PDSS2: variants seen among roughly 807,000 people sequenced by gnomAD.
PDSS2 encodes the protein all trans-polyprenyl-diphosphate synthase PDSS2.
A neutral mutation model predicts 44.5 loss-of-function variants in PDSS2; 31 were observed. That is an observed-to-expected ratio of 0.70 (90% CI 0.52 to 0.94). The LOEUF (loss-of-function observed/expected upper bound fraction) is 0.94, where lower values mean the gene tolerates loss of function less well. PDSS2 is among the 40% of genes least tolerant of loss of function. The pLI is 0.00. For missense variants in PDSS2, 452 were observed against 482.2 expected (o/e 0.94, Z 0.59); for synonymous variants, 157 against 180.3 (o/e 0.87, Z 1.03).
intron 2 of PDSS2, among the ~76,000 whole-genome samples, chr6:107,281,808 C>G (rs561559200): frequency 2.0e-4 from 30 of 152,272 alleles, no homozygotes; most frequent in African/African-American, 6.0e-4. Context: ...CCTGCCACCC[C>G]CTTCCCTCAC....
At chr6:107,454,624 A>C (rs1186636809) in intron 1 of PDSS2, among the ~76,000 whole-genome samples, 1 of 151,938 alleles carries the variant, frequency 6.6e-6, no homozygotes, top group Non-Finnish European at 1.5e-5. Flanking sequence ...GTGAATAGCA[A>C]ATTATGGTGG....
chr6:107,389,515 G>T (rs1779716429), intron 1 of PDSS2, among the ~76,000 whole-genome samples: 1 of 152,050 alleles, frequency 6.6e-6, no homozygotes, highest in Non-Finnish European at 1.5e-5. Context: ...CGAACAAACA[G>T]GTAAATAGAT....
intron 2 of PDSS2, among the ~76,000 whole-genome samples, chr6:107,310,809 T>C (rs1562453401): frequency 6.6e-6 from 1 of 152,214 alleles, no homozygotes; most frequent in African/African-American, 2.4e-5. Context: ...AGTTTATCTA[T>C]GCAGGCTTGA....
intron 1 of PDSS2, among the ~76,000 whole-genome samples, chr6:107,394,755 T>C (rs917198000): frequency 6.6e-6 from 1 of 152,354 alleles, no homozygotes; most frequent in Admixed American, 6.5e-5. Context: ...CTTGTTTTCA[T>C]ACATTTTACT....
chr6:107,387,476 TAC>T (rs1326418788), intron 1 of PDSS2, among the ~76,000 whole-genome samples: 1 of 152,184 alleles, frequency 6.6e-6, no homozygotes, highest in African/African-American at 2.4e-5. Flanking sequence ...GGAGAGAAAT[TAC>T]AGAGACAGAA....
chr6:107,453,044 G>A (rs1583106371), intron 1 of PDSS2, among the ~76,000 whole-genome samples: 1 of 151,842 alleles, frequency 6.6e-6, no homozygotes, highest in Non-Finnish European at 1.5e-5. Flanking sequence ...TGCTTACCTA[G>A]CCCTAGGTCC....
intron 2 of PDSS2, among the ~76,000 whole-genome samples, chr6:107,313,723 A>G (rs1294782744): frequency 2.0e-5 from 3 of 152,202 alleles, no homozygotes; most frequent in African/African-American, 7.2e-5. Flanking sequence ...CAGCCTAAAT[A>G]TTATGTAACA....
At chr6:107,279,329 C>CA (rs1378088054) in intron 2 of PDSS2, among the ~76,000 whole-genome samples, 2 of 152,194 alleles carry the variant, frequency 1.3e-5, no homozygotes, top group East Asian at 3.8e-4. Flanking sequence ...ATATATGCCA[C>CA]AAATTTGTCC....
chr6:107,166,813 C>T (rs1379739579), intron 7 of PDSS2, among the ~76,000 whole-genome samples: 1 of 152,164 alleles, frequency 6.6e-6, no homozygotes, highest in African/African-American at 2.4e-5. Context: ...AGCCTTGCAT[C>T]CCAGGGAAGA....
intron 7 of PDSS2, among the ~76,000 whole-genome samples, chr6:107,176,806 T>C (rs1771805768): frequency 6.6e-6 from 1 of 152,170 alleles, no homozygotes; most frequent in African/African-American, 2.4e-5. Flanking sequence ...TATATCTACA[T>C]CATATAAACA....
intron 7 of PDSS2, among the ~76,000 whole-genome samples, chr6:107,165,013 T>C (rs1294843025): frequency 3.3e-5 from 5 of 152,132 alleles, no homozygotes; most frequent in Admixed American, 3.3e-4. Flanking sequence ...TTTGATGGGG[T>C]TGTTTTTTTC....
intron 7 of PDSS2, among the ~76,000 whole-genome samples, chr6:107,164,232 A>T (rs1274462977): frequency 1.3e-5 from 2 of 152,016 alleles, no homozygotes; most frequent in Non-Finnish European, 2.9e-5. Context: ...TTTGTTACAT[A>T]TGTATACATG....
At chr6:107,200,384 A>G (rs941473364) in intron 6 of PDSS2, among the ~76,000 whole-genome samples, 2 of 152,182 alleles carry the variant, frequency 1.3e-5, no homozygotes, top group Non-Finnish European at 2.9e-5. Context: ...CTGGGCTCTC[A>G]CAAATGCTGG....
rs5878908 is a variant in PDSS2 at position 107,183,207 on chromosome 6, TAA to T, written c.1041+10613_1041+10614del. Among the ~76,000 whole-genome samples, 236 of 136,278 alleles carry T rather than the reference TAA, an allele frequency of 1.7e-3. 1 individual carries two copies. The highest frequency in any genetic ancestry group is 2.1e-3 in the East Asian group (10 of 4,704). 89.4% of individuals were successfully genotyped at this position (136,278 alleles called of 152,430 possible). A position where few individuals can be genotyped will look rare whatever the true frequency, so the allele number is the denominator to read the frequency against. Reference sequence around the variant, plus strand: ...AGCCTGGGTGACAAGCAAGACTGTCTAAAAAAAAAAAAAAAAAGTTACATAGT... The same window carrying T: ...AGCCTGGGTGACAAGCAAGACTGTCTAAAAAAAAAAAAAAAGTTACATAGT... On this transcript the variant is annotated intron_variant, in intron 7 of 7. Coordinates refer to ENST00000369037, the MANE Select transcript of PDSS2 (RefSeq NM_020381.4).
intron 1 of PDSS2, among the ~76,000 whole-genome samples, chr6:107,442,220 C>T (rs1299911480): frequency 6.6e-6 from 1 of 152,128 alleles, no homozygotes; most frequent in Non-Finnish European, 1.5e-5. Flanking sequence ...AGTTCAAGAC[C>T]AGCCTGACCA....
At chr6:107,360,551 G>A (rs759225850) in intron 1 of PDSS2, among the ~76,000 whole-genome samples, 6 of 146,206 alleles carry the variant, frequency 4.1e-5, no homozygotes, top group Non-Finnish European at 9.0e-5. Context: ...GCTTCTAGAA[G>A]CCTACAAGCT....
At chr6:107,227,278 C>CTTTTTTTTTTTT (rs60988844) in intron 4 of PDSS2, among the ~76,000 whole-genome samples, 1,739 of 102,392 alleles carry the variant, frequency 0.017, 180 homozygotes, top group Non-Finnish European at 0.026. Context: ...CCACTGTGCC[C>CTTTTTTTTTTTT]TTTTTTTTTT....
intron 1 of PDSS2, among the ~76,000 whole-genome samples, chr6:107,438,504 CA>C (rs1179898500): frequency 6.6e-6 from 1 of 152,174 alleles, no homozygotes; most frequent in East Asian, 1.9e-4. Context: ...TGTGAGCCAC[CA>C]TGCCCGGCCT....
chr6:107,444,524 TG>T (rs1781606718), intron 1 of PDSS2, among the ~76,000 whole-genome samples: 1 of 152,202 alleles, frequency 6.6e-6, no homozygotes, highest in African/African-American at 2.4e-5. Flanking sequence ...GTCTTATTCT[TG>T]TTTGTACATC....
Sources: gnomAD v4.1 joint callset for allele counts (sites outside exome capture counted in the v4.1 genomes callset) on GRCh38, gnomAD v4.1.1 for gene constraint, MANE v1.5 for transcripts, NCBI Gene and HGNC (gene_info 2026-07-23, HGNC 2026-07-21) for gene names.